NUP98: variants seen among roughly 807,000 people sequenced by gnomAD.
The protein encoded by NUP98 is nucleoporin 98 and 96 precursor, also known as nuclear pore complex protein Nup98-Nup96.
NUP98 carries 26 observed loss-of-function variants against 191.9 expected under a neutral mutation model. The ratio of observed to expected loss-of-function variants is 0.14; its 90% CI spans 0.10 to 0.19. The LOEUF (loss-of-function observed/expected upper bound fraction) is 0.19, where lower values mean the gene tolerates loss of function less well. Ranked by LOEUF, NUP98 falls within the 10% of genes least tolerant of loss-of-function variation. NUP98 has a pLI of 1.00. For missense variants in NUP98, 1,941 were observed against 2,178.8 expected (o/e 0.89, Z 2.17); for synonymous variants, 808 against 778.4 (o/e 1.04, Z -0.63).
At chr11:3,758,066 C>G (rs758567123) in intron 10 of NUP98, among the ~76,000 whole-genome samples, 16 of 152,032 alleles carry the variant, frequency 1.1e-4, no homozygotes, top group Non-Finnish European at 2.1e-4. Flanking sequence ...GCCTGTAATC[C>G]CAGCACTTTG....
In NUP98 at chr11:3,676,049, T is replaced by C; in HGVS notation, c.*110A>G. The C allele has an allele frequency of 3.0e-6, 3 of 985,838 alleles. No homozygotes were observed. The highest frequency in any genetic ancestry group is 4.6e-6 in the Non-Finnish European group (3 of 654,474). 61.1% of individuals were successfully genotyped at this position (985,838 alleles called of 1,614,324 possible). On this transcript the variant is annotated 3_prime_UTR_variant, in exon 33 of 33. Coordinates refer to ENST00000324932, the MANE Select transcript of NUP98 (RefSeq NM_016320.5). ...TGCTTCTGGCAGCAGGGAGGGAGGG[T>C]AGATGCCACAGCCAACCCAGAGAAT...
intron 11 of NUP98, 64 bp from the exon 12 acceptor site, chr11:3,744,713 C>G: frequency 3.3e-6 from 5 of 1,533,210 alleles, no homozygotes; most frequent in Non-Finnish European, 4.4e-6. Flanking sequence ...TGCCAGAGGT[C>G]AGTTACTTAA....
chr11:3,789,282 T>C (rs1468607575), intron 1 of NUP98, among the ~76,000 whole-genome samples: 1 of 152,188 alleles, frequency 6.6e-6, no homozygotes, highest in South Asian at 2.1e-4. Context: ...AATGGCTAGC[T>C]AGAATGCCAT....
rs920713741 is a variant in NUP98 at position 3,701,343 on chromosome 11, T to A, written c.3513-504A>T. 2.0e-5 allele frequency among the ~76,000 whole-genome samples: 3 copies of A among 148,862 alleles called. No individual in the cohort carries two copies. The Admixed American group carries it at 2.1e-4, about 10-fold the overall frequency. On this transcript the variant is annotated intron_variant, in intron 23 of 32. Transcript: ENST00000324932. ...AGCGTGATCTTGGCTTACTGCAACC[T>A]CTGCCTCCTGGGTTCAAGGGCGATT... is the stretch of plus-strand genomic sequence containing the variant.
Position 3,699,281 on chromosome 11 carries a change from G to A in NUP98, c.3810C>T (p.Asp1270=), listed in dbSNP as rs756335135. The change falls in exon 25 of 33, where the codon GAC becomes GAT. Residue 1270 remains aspartate, a synonymous_variant. Coordinates refer to ENST00000324932, the MANE Select transcript of NUP98 (RefSeq NM_016320.5). ...EALWGHLKEL[D]SQLNEPREYI... is the part of the protein sequence containing the mutation. ...ATTCACGGGGTTCATTTAGCTGGCT[G>A]TCAAGCTCCTTCAGGTGGCCCCATA... 3.7e-6 allele frequency: 6 copies of A among 1,614,070 alleles called. No individual in the cohort carries two copies. The highest frequency in any genetic ancestry group is 2.2e-5 in the East Asian group (1 of 44,900).
At chr11:3,763,945 T>C (rs1474294740) in intron 8 of NUP98, among the ~76,000 whole-genome samples, 4 of 152,252 alleles carry the variant, frequency 2.6e-5, no homozygotes, top group Admixed American at 6.5e-5. Context: ...AGGAAAAATA[T>C]TGTGCTAATA....
At chr11:3,677,889 AG>A (rs1476348501) in intron 31 of NUP98, among the ~76,000 whole-genome samples, 2 of 152,230 alleles carry the variant, frequency 1.3e-5, no homozygotes, top group Non-Finnish European at 2.9e-5. Context: ...GGATAATAAT[AG>A]ATAACAATTA....
intron 31 of NUP98, among the ~76,000 whole-genome samples, chr11:3,678,600 G>T (rs897126797): frequency 6.6e-6 from 1 of 152,194 alleles, no homozygotes; most frequent in Admixed American, 6.5e-5. Context: ...GAGTTTAAGT[G>T]TGCTAGGTAG....
Position 3,679,539 on chromosome 11 carries a change from C to G in NUP98, c.5073+15G>C, listed in dbSNP as rs759894934. On this transcript the variant is annotated intron_variant, in intron 31 of 32. Transcript: ENST00000324932. ...GAAAAGGAAAATCAGGCAGCAGTTTCAGGATCTCAGGTACCTGCTGTATAT... is the reference window on the plus strand; with the variant it reads ...GAAAAGGAAAATCAGGCAGCAGTTTGAGGATCTCAGGTACCTGCTGTATAT... 9.9e-6 allele frequency: 16 copies of G among 1,613,944 alleles called. No individual in the cohort carries two copies. In the African/African-American group the frequency reaches 2.1e-4, roughly 22 times the overall value.
At chr11:3,762,144 T>C (rs1476253922) in intron 9 of NUP98, among the ~76,000 whole-genome samples, 1 of 152,164 alleles carries the variant, frequency 6.6e-6, no homozygotes, top group East Asian at 1.9e-4. Flanking sequence ...AGTTTTGCTC[T>C]TGTTGCCCAG....
At chr11:3,713,764 T>C in intron 19 of NUP98, 54 bp downstream of exon 19, 2 of 1,530,180 alleles carry the variant, frequency 1.3e-6, no homozygotes, top group Admixed American at 2.0e-5. Flanking sequence ...ACATAAACGT[T>C]ATGTGACTCC....
intron 21 of NUP98, among the ~76,000 whole-genome samples, chr11:3,705,780 G>C (rs1300689384): frequency 2.0e-5 from 3 of 152,122 alleles, no homozygotes; most frequent in East Asian, 1.9e-4. Context: ...CTGTGATGTA[G>C]ACAAAGTAAT....
intron 18 of NUP98, 55 bp downstream of exon 18, chr11:3,719,357 A>AT (rs2079306469): frequency 7.2e-5 from 105 of 1,453,522 alleles, no homozygotes; most frequent in South Asian, 2.8e-4. Context: ...TTATGTTTAC[A>AT]GAAAAAAAAA....
chr11:3,747,215 G>T (rs964811304), intron 11 of NUP98, among the ~76,000 whole-genome samples: 7 of 152,086 alleles, frequency 4.6e-5, no homozygotes, highest in Admixed American at 1.3e-4. Context: ...GGGCAAAATG[G>T]TAATAGTGGC....
chr11:3,773,500 G>C (rs1293385872), intron 6 of NUP98, 132 bp downstream of exon 6: 1 of 488,730 alleles, frequency 2.0e-6, no homozygotes, highest in African/African-American at 2.0e-5. Flanking sequence ...AAAATAATTT[G>C]GTTAATGTTA....
chr11:3,774,928 A>C (rs4910549), intron 5 of NUP98, among the ~76,000 whole-genome samples: 7,723 of 152,192 alleles, frequency 0.051, 257 homozygotes, highest in Middle Eastern at 0.099. Flanking sequence ...TTACCTGACA[A>C]ATTCTTCATT....
intron 14 of NUP98, among the ~76,000 whole-genome samples, chr11:3,726,853 C>T (rs1270813923): frequency 1.3e-5 from 2 of 151,606 alleles, no homozygotes; most frequent in Non-Finnish European, 2.9e-5. Context: ...CCTTGAATTC[C>T]TGGGCTCCTG....
At chr11:3,758,738 T>C (rs745334665) in intron 10 of NUP98, among the ~76,000 whole-genome samples, 2 of 152,052 alleles carry the variant, frequency 1.3e-5, no homozygotes, top group African/African-American at 2.4e-5. Context: ...TGAGCCAAGA[T>C]TGTGCCATTG....
chr11:3,794,098 T>C (rs2082448328), intron 1 of NUP98, among the ~76,000 whole-genome samples: 2 of 152,170 alleles, frequency 1.3e-5, no homozygotes, highest in African/African-American at 2.4e-5. Flanking sequence ...GTGTTATGGG[T>C]ATCTAATGGG....
Sources: allele counts gnomAD v4.1 joint callset (sites outside exome capture counted in the v4.1 genomes callset), GRCh38; gene constraint gnomAD v4.1.1; transcripts MANE v1.5; gene names NCBI Gene and HGNC (gene_info 2026-07-23, HGNC 2026-07-21).